ERBB4: variants seen among roughly 807,000 people sequenced by gnomAD.
The protein encoded by ERBB4 is receptor tyrosine-protein kinase erbB-4.
Under a neutral mutation model 158.0 loss-of-function variants are expected in ERBB4, and 42 were observed. That is an observed-to-expected ratio of 0.27 (90% confidence interval 0.21 to 0.34). The LOEUF is 0.34. Among genes scored for constraint, ERBB4 ranks in the 10% least tolerant of loss-of-function variants. ERBB4 has a pLI of 1.00. For missense variants in ERBB4, 1,333 were observed against 1,624.1 expected (o/e 0.82, Z 3.08); for synonymous variants, 583 against 558.7 (o/e 1.04, Z -0.61).
At chr2:211,913,406 G>T (rs917611916) in intron 3 of ERBB4, among the ~76,000 whole-genome samples, 1 of 152,018 alleles carries the variant, frequency 6.6e-6, no homozygotes, top group Non-Finnish European at 1.5e-5. Context: ...TTCGAGATCA[G>T]CCTGGCCAAA....
intron 1 of ERBB4, among the ~76,000 whole-genome samples, chr2:212,192,097 AGTTATAT>A (rs2082287071): frequency 9.8e-6 from 1 of 101,952 alleles, no homozygotes; most frequent in Non-Finnish European, 1.9e-5. Context: ...ATATTATATA[AGTTATAT>A]ATTATATATT....
At chr2:212,387,860 A>T (rs2090729787) in intron 1 of ERBB4, among the ~76,000 whole-genome samples, 1 of 152,140 alleles carries the variant, frequency 6.6e-6, no homozygotes, top group South Asian at 2.1e-4. Flanking sequence ...CTCAGCAACA[A>T]AGATGATTAA....
intron 7 of ERBB4, among the ~76,000 whole-genome samples, chr2:211,721,538 G>C (rs1351844427): frequency 7.0e-6 from 1 of 143,636 alleles, no homozygotes; most frequent in Non-Finnish European, 1.5e-5. Context: ...TGAATCCTCA[G>C]GATGTTATCA....
chr2:211,430,654 T>A (rs542893638), intron 21 of ERBB4, among the ~76,000 whole-genome samples: 222 of 152,210 alleles, frequency 1.5e-3, no homozygotes, highest in African/African-American at 5.0e-3. Context: ...CCACTTTCCA[T>A]CACTGGACCT....
intron 20 of ERBB4, among the ~76,000 whole-genome samples, chr2:211,484,709 A>C (rs538624779): frequency 6.6e-6 from 1 of 152,336 alleles, no homozygotes; most frequent in African/African-American, 2.4e-5. Context: ...AAAATATTTA[A>C]ACCAAGAGTG....
In ERBB4 at chr2:211,756,684, T is replaced by C. The variant is rs558082628; in HGVS notation, c.557-5980A>G. On this transcript the variant is annotated intron_variant, in intron 4 of 27. Coordinates refer to ENST00000342788, the MANE Select transcript of ERBB4 (RefSeq NM_005235.3). ...ATGCTGATTTTATAGTCTGGTGAGGTACAGGAATCCCTAGTTTTAAAAAGC... is the reference window on the plus strand; with the variant it reads ...ATGCTGATTTTATAGTCTGGTGAGGCACAGGAATCCCTAGTTTTAAAAAGC... Among the ~76,000 whole-genome samples, 15 of 152,314 alleles carry C rather than the reference T, an allele frequency of 9.8e-5. No individual in the cohort carries two copies. In the South Asian group the frequency reaches 3.1e-3, roughly 32 times the overall value.
chr2:212,333,151 A>T (rs983538543), intron 1 of ERBB4, among the ~76,000 whole-genome samples: 2 of 151,966 alleles, frequency 1.3e-5, no homozygotes, highest in Admixed American at 6.6e-5. Flanking sequence ...GAATTTAGTC[A>T]CTCATTCAAA....
Position 211,619,273 on chromosome 2 carries a change from A to G in ERBB4, c.2205T>C (p.Gly735=), listed in dbSNP as rs1335189706. Residue 735 remains glycine (G), a splice_region_variant and synonymous_variant, in exon 19 of 28, where the codon GGT becomes GGC. Coordinates refer to ENST00000342788, the MANE Select transcript of ERBB4 (RefSeq NM_005235.3). ...CAGTTTCTCCTTCAGGTACCCAAATACCCTTTGGGGAAAAAAATTTACATT... is the reference window on the plus strand; with the variant it reads ...CAGTTTCTCCTTCAGGTACCCAAATGCCCTTTGGGGAAAAAAATTTACATT... ...GSGAFGTVYK[G]IWVPEGETVK... 1.3e-6 allele frequency: 2 copies of G among 1,586,866 alleles called. No homozygotes were observed. Among genetic ancestry groups the G allele is most frequent in the African/African-American group, 2.7e-5 (2 of 74,356 alleles).
At chr2:211,698,144 C>T (rs1390823513) in intron 12 of ERBB4, among the ~76,000 whole-genome samples, 1 of 151,790 alleles carries the variant, frequency 6.6e-6, no homozygotes, top group African/African-American at 2.4e-5. Context: ...TGGAGAAACC[C>T]CGTCTCTACT....
intron 1 of ERBB4, among the ~76,000 whole-genome samples, chr2:212,500,160 A>G (rs557758337): frequency 5.9e-5 from 9 of 152,246 alleles, no homozygotes; most frequent in Admixed American, 5.9e-4. Flanking sequence ...AAGGATATAG[A>G]CTGCCTCAGG....
At chr2:211,953,963 T>A (rs150955164) in intron 2 of ERBB4, among the ~76,000 whole-genome samples, 1 of 152,080 alleles carries the variant, frequency 6.6e-6, no homozygotes, top group Non-Finnish European at 1.5e-5. Context: ...GAATTTTCAA[T>A]GGATGTCCCT....
chr2:211,902,292 A>T (rs2079257385), intron 3 of ERBB4, among the ~76,000 whole-genome samples: 1 of 152,134 alleles, frequency 6.6e-6, no homozygotes, highest in African/African-American at 2.4e-5. Flanking sequence ...ATGAAACGGT[A>T]TAACGGTATT....
chr2:211,948,696 A>G (rs1385984096), intron 2 of ERBB4, among the ~76,000 whole-genome samples: 2 of 152,132 alleles, frequency 1.3e-5, no homozygotes, highest in African/African-American at 2.4e-5. Flanking sequence ...ATACTCAAGT[A>G]TTTGGTATTA....
intron 3 of ERBB4, 35 bp from the exon 4 acceptor site, chr2:211,788,194 A>C (rs751389931): frequency 6.4e-7 from 1 of 1,558,200 alleles, no homozygotes; most frequent in Non-Finnish European, 8.8e-7. Context: ...ATTTTTTGTC[A>C]AACTGCTTGT....
chr2:211,926,958 G>A (rs926893665), intron 3 of ERBB4, among the ~76,000 whole-genome samples: 2 of 152,036 alleles, frequency 1.3e-5, no homozygotes, highest in Non-Finnish European at 2.9e-5. Flanking sequence ...TTGTCACTGT[G>A]TACTAATACA....
chr2:212,037,312 G>A (rs990532306), intron 2 of ERBB4, among the ~76,000 whole-genome samples: 4 of 152,164 alleles, frequency 2.6e-5, no homozygotes, highest in Non-Finnish European at 5.9e-5. Context: ...TGCTATGTTA[G>A]AGAGGGAACA....
At chr2:212,195,734 T>C (rs992344139) in intron 1 of ERBB4, among the ~76,000 whole-genome samples, 1 of 152,062 alleles carries the variant, frequency 6.6e-6, no homozygotes, top group African/African-American at 2.4e-5. Context: ...TTAATCTGTA[T>C]AAATAATATT....
intron 2 of ERBB4, among the ~76,000 whole-genome samples, chr2:212,110,989 G>C (rs2079387154): frequency 6.6e-6 from 1 of 152,178 alleles, no homozygotes. Context: ...AGCCCTAACA[G>C]TGTACCTTAC....
intron 2 of ERBB4, among the ~76,000 whole-genome samples, chr2:212,022,787 T>A (rs2076685098): frequency 6.6e-6 from 1 of 152,050 alleles, no homozygotes; most frequent in South Asian, 2.1e-4. Flanking sequence ...ATGATAGAAA[T>A]GGTCACAAAT....
Sources: allele counts gnomAD v4.1 joint callset (sites outside exome capture counted in the v4.1 genomes callset), GRCh38; gene constraint gnomAD v4.1.1; transcripts MANE v1.5; gene names NCBI Gene and HGNC (gene_info 2026-07-23, HGNC 2026-07-21).